RPS6KA6: variants seen among roughly 807,000 people sequenced by gnomAD.
RPS6KA6 encodes ribosomal protein S6 kinase alpha-6.
RPS6KA6 carries 27 observed loss-of-function variants against 65.4 expected under a neutral mutation model. The observed-to-expected ratio is 0.41, with a 90% CI of 0.30 to 0.57. RPS6KA6 has a LOEUF of 0.57. Among genes scored for constraint, RPS6KA6 ranks in the 20% least tolerant of loss-of-function variants. RPS6KA6 has a pLI of 0.24. For missense variants in RPS6KA6, 486 were observed against 555.6 expected (o/e 0.87, Z 1.26); for synonymous variants, 190 against 184.2 (o/e 1.03, Z -0.26).
intron 8 of RPS6KA6, among the ~76,000 whole-genome samples, chrX:84,122,900 C>T (rs1252271226): frequency 2.7e-5 from 3 of 111,522 alleles, no homozygotes; most frequent in Admixed American, 9.5e-5. Context: ...CACCATTCCC[C>T]CAACCCCAGA....
chrX:84,162,453 T>C (rs1434748262), intron 2 of RPS6KA6, among the ~76,000 whole-genome samples: 1 of 111,775 alleles, frequency 8.9e-6, no homozygotes, highest in Non-Finnish European at 1.9e-5. Flanking sequence ...GAAGTGATTC[T>C]AGGTCCTTTA....
intron 12 of RPS6KA6, 85 bp from the exon 13 acceptor site, chrX:84,107,810 C>T: frequency 2.1e-6 from 1 of 471,442 alleles, no homozygotes; most frequent in Non-Finnish European, 3.5e-6. Context: ...ACATAATATT[C>T]ACAGTCCATA....
intron 1 of RPS6KA6, among the ~76,000 whole-genome samples, chrX:84,182,520 G>C (rs1213217683): frequency 9.0e-6 from 1 of 111,423 alleles, no homozygotes; most frequent in Non-Finnish European, 1.9e-5. Flanking sequence ...TTCTAGATGA[G>C]AGAGACTATG....
intron 3 of RPS6KA6, among the ~76,000 whole-genome samples, chrX:84,153,810 A>C (rs1019620427): frequency 9.0e-6 from 1 of 110,518 alleles, no homozygotes; most frequent in Admixed American, 9.7e-5. Context: ...TCCTAGGGGG[A>C]AAAAAAAGCC....
chrX:84,107,068 A>G (rs368956718), intron 13 of RPS6KA6, 28 bp from the exon 14 acceptor site: 37 of 1,150,472 alleles, frequency 3.2e-5, no homozygotes, highest in Middle Eastern at 2.4e-4. Context: ...ACATTTAATT[A>G]TAACTACACA....
At chrX:84,085,985 T>C (rs2033912109) in intron 20 of RPS6KA6, among the ~76,000 whole-genome samples, 1 of 111,972 alleles carries the variant, frequency 8.9e-6, no homozygotes, top group African/African-American at 3.2e-5. Context: ...GTGGTTGTTT[T>C]TATTTTTGTG....
rs1569363604 is a variant in RPS6KA6, at chrX:84,063,237, C to A, written c.*1040G>T. 9.0e-6 allele frequency: 1 copy of A among 111,404 alleles called. No individual in the cohort carries two copies. The highest frequency in any genetic ancestry group is 3.3e-5 in the African/African-American group (1 of 30,733). 9.2% of individuals were successfully genotyped at this position (111,404 alleles called of 1,213,427 possible). On this transcript the variant is annotated 3_prime_UTR_variant, in exon 22 of 22. Coordinates refer to ENST00000262752, the MANE Select transcript of RPS6KA6 (RefSeq NM_014496.5). ...CTAAAGTTTACTGTAATACAATATA[C>A]TATATCATGTGTGCTATATGCACAA...
chrX:84,134,895 C>A, intron 7 of RPS6KA6, 76 bp from the exon 8 acceptor site: 1 of 738,133 alleles, frequency 1.4e-6, no homozygotes, highest in South Asian at 2.9e-5. Flanking sequence ...AATCATAAAA[C>A]TAAGATAGGT....
chrX:84,099,988 C>CCA (rs1231859623), intron 18 of RPS6KA6, among the ~76,000 whole-genome samples: 1 of 110,642 alleles, frequency 9.0e-6, no homozygotes, highest in Non-Finnish European at 1.9e-5. Flanking sequence ...TTGAATCTTT[C>CCA]CAATTCTAGT....
Position 84,187,965 on chromosome X carries a change from A to C in RPS6KA6, c.-66T>G. On this transcript the variant is annotated 5_prime_UTR_variant, in exon 1 of 22. Coordinates refer to ENST00000262752, the MANE Select transcript of RPS6KA6 (RefSeq NM_014496.5). Reference sequence around the variant, plus strand: ...GCTGGCGCGGCCGCGCATCCTGTCTATTGAACTGGCCCGCCGCCGCCGCCG... The same window carrying C: ...GCTGGCGCGGCCGCGCATCCTGTCTCTTGAACTGGCCCGCCGCCGCCGCCG... The C allele has an allele frequency of 2.2e-6, 2 of 907,576 alleles. No homozygotes were observed. The highest frequency in any genetic ancestry group is 3.0e-6 in the Non-Finnish European group (2 of 675,351). The allele number at this position is 907,576 out of a possible 1,213,427, so 74.8% of individuals were successfully genotyped here.
intron 12 of RPS6KA6, among the ~76,000 whole-genome samples, chrX:84,115,883 T>G (rs1396030488): frequency 9.0e-6 from 1 of 111,204 alleles, no homozygotes; most frequent in Non-Finnish European, 1.9e-5. Context: ...CACTTATAAG[T>G]GGGAGCTACA....
At chrX:84,122,805 G>A (rs1484129900) in intron 8 of RPS6KA6, among the ~76,000 whole-genome samples, 1 of 111,553 alleles carries the variant, frequency 9.0e-6, no homozygotes, top group East Asian at 2.8e-4. Context: ...AACTACTAGT[G>A]TTGAACTGGA....
intron 8 of RPS6KA6, among the ~76,000 whole-genome samples, chrX:84,128,165 G>A (rs960518700): frequency 1.8e-5 from 2 of 111,460 alleles, no homozygotes; most frequent in African/African-American, 6.5e-5. Flanking sequence ...CATTTCTACA[G>A]GCCGACAGAG....
At chrX:84,176,671 GATTA>G (rs1179022576) in intron 1 of RPS6KA6, among the ~76,000 whole-genome samples, 3 of 89,631 alleles carry the variant, frequency 3.3e-5, no homozygotes, top group African/African-American at 1.1e-4. Flanking sequence ...TGAAGAAACT[GATTA>G]ATTAAATAAC....
intron 4 of RPS6KA6, among the ~76,000 whole-genome samples, chrX:84,147,380 C>T (rs1190930325): frequency 1.8e-5 from 2 of 111,483 alleles, no homozygotes; most frequent in Admixed American, 9.5e-5. Context: ...AATCTCAGCT[C>T]ACTGCAACCT....
chrX:84,108,506 A>G (rs1478366057), intron 12 of RPS6KA6, among the ~76,000 whole-genome samples: 1 of 111,715 alleles, frequency 9.0e-6, no homozygotes, highest in Non-Finnish European at 1.9e-5. Flanking sequence ...CAGAAAGAAG[A>G]GAACAAAGCC....
chrX:84,120,107 T>C, intron 8 of RPS6KA6, 80 bp from the exon 9 acceptor site: 1 of 706,264 alleles, frequency 1.4e-6, no homozygotes, highest in Non-Finnish European at 2.0e-6. Context: ...AAATAATGTA[T>C]TAAACATTAC....
At chrX:84,173,739 T>C (rs2035721934) in intron 1 of RPS6KA6, among the ~76,000 whole-genome samples, 1 of 111,978 alleles carries the variant, frequency 8.9e-6, no homozygotes, top group Non-Finnish European at 1.9e-5. Context: ...CAGCTCATTG[T>C]AACCTCAAAC....
At position 84,073,729 on chromosome X, in the gene RPS6KA6, C is replaced by CT. The variant is rs1004406855; in HGVS notation, c.1972-8619dup. Among the ~76,000 whole-genome samples the CT allele has an allele frequency of 7.6e-3, 808 of 106,225 alleles. 6 individuals carry two copies. The highest frequency in any genetic ancestry group is 0.025 in the African/African-American group (745 of 29,332). 92.2% of individuals were successfully genotyped at this position (106,225 alleles called of 115,157 possible). A position where few individuals can be genotyped will look rare whatever the true frequency, so the allele number is the denominator to read the frequency against. ...AAAGTGGTCAAAAAATCTAAATAGA[C>CT]TTTTTTTTTTCAAAAGAATAAATAC... On this transcript the variant is annotated intron_variant, in intron 20 of 21. Coordinates refer to ENST00000262752, the MANE Select transcript of RPS6KA6 (RefSeq NM_014496.5).
Sources: gnomAD v4.1 joint callset for allele counts (sites outside exome capture counted in the v4.1 genomes callset) on GRCh38, gnomAD v4.1.1 for gene constraint, MANE v1.5 for transcripts, NCBI Gene and HGNC (gene_info 2026-07-23, HGNC 2026-07-21) for gene names.